SPTAN1: variants seen among roughly 807,000 people sequenced by gnomAD.
SPTAN1 encodes spectrin alpha chain, non-erythrocytic 1.
In SPTAN1, 61 loss-of-function variants were observed where a neutral mutation model predicts 331.3. That is an observed-to-expected ratio of 0.18 (90% CI 0.15 to 0.23). The LOEUF is 0.23. SPTAN1 is among the 10% of genes least tolerant of loss of function. SPTAN1 has a pLI of 1.00. For synonymous variants in SPTAN1, 1,153 were observed against 1,173.9 expected (o/e 0.98, Z 0.36); for missense variants, 2,043 against 3,147.9 (o/e 0.65, Z 8.40).
In SPTAN1 at chr9:128,587,707, G is replaced by A. The variant is rs774094821; in HGVS notation, c.2871+9G>A. On this transcript the variant is annotated intron_variant, in intron 20 of 56. Coordinates refer to ENST00000372739, the MANE Select transcript of SPTAN1 (RefSeq NM_001130438.3). The stretch of plus-strand genomic sequence containing the variant: ...AAGCACAGTCCTGCCGGGTAAACTT[G>A]TAACAGTTTATGGGTTACTGGAGGG... 2.5e-5 allele frequency: 40 copies of A among 1,613,470 alleles called. No homozygotes were observed. In the Admixed American group the frequency reaches 4.8e-4, roughly 19 times the overall value.
intron 10 of SPTAN1, among the ~76,000 whole-genome samples, chr9:128,580,326 T>C (rs948919521): frequency 6.6e-6 from 1 of 150,726 alleles, no homozygotes; most frequent in African/African-American, 2.4e-5. Flanking sequence ...TATATATACA[T>C]ATTTTATTTT....
At chr9:128,585,667 C>A in intron 18 of SPTAN1, 81 bp from the exon 19 acceptor site, 1 of 1,184,826 alleles carries the variant, frequency 8.4e-7, no homozygotes, top group Non-Finnish European at 1.3e-6. Flanking sequence ...GTGCCGTGAA[C>A]ACACAGAGAA....
chr9:128,594,427 T>G (rs1029331621), intron 24 of SPTAN1, 54 bp downstream of exon 24: 4 of 1,338,576 alleles, frequency 3.0e-6, no homozygotes, highest in Admixed American at 2.3e-5. Flanking sequence ...TTGAGTCTCT[T>G]GATTTTTTTT....
intron 22 of SPTAN1, among the ~76,000 whole-genome samples, chr9:128,592,057 A>G (rs572453314): frequency 6.6e-6 from 1 of 152,206 alleles, no homozygotes; most frequent in East Asian, 1.9e-4. Flanking sequence ...CTGAGCCCCC[A>G]TATTGCCCTG....
chr9:128,631,908 G>C (rs1325368563), intron 52 of SPTAN1: 2 of 588,030 alleles, frequency 3.4e-6, no homozygotes, highest in Non-Finnish European at 6.0e-6. Context: ...AGGTCTACCA[G>C]CTGCTTTGGA....
Position 128,575,318 on chromosome 9 carries a change from G to A in SPTAN1, c.624G>A (p.Val208=). 6.2e-7 allele frequency: 1 copy of A among 1,613,128 alleles called. No individual in the cohort carries two copies. Residue 208 remains valine, a synonymous_variant, in exon 5 of 57, where the codon GTG becomes GTA. Coordinates refer to ENST00000372739, the MANE Select transcript of SPTAN1 (RefSeq NM_001130438.3). ...MAAHEERVNE[V]NQFAAKLIQE... is the part of the protein sequence containing the mutation. ...CTCATGAAGAAAGAGTTAATGAAGT[G>A]AACCAGTTTGCTGCCAAACTCATAC...
intron 39 of SPTAN1, among the ~76,000 whole-genome samples, chr9:128,613,175 G>A (rs1856761595): frequency 6.6e-6 from 1 of 152,194 alleles, no homozygotes; most frequent in African/African-American, 2.4e-5. Flanking sequence ...AGACTCTGGA[G>A]TCTAGGTTTG....
At position 128,618,027 on chromosome 9, in the gene SPTAN1, C is replaced by A. The variant is rs1435109276; in HGVS notation, c.5519C>A (p.Thr1840Asn). 6.2e-7 allele frequency: 1 copy of A among 1,613,956 alleles called. No homozygotes were observed. Among genetic ancestry groups the A allele is most frequent in the Non-Finnish European group, 8.5e-7 (1 of 1,180,002 alleles). The part of the protein sequence containing the change: ...DTGKKLSDDN[T>N]IGKEEIQQRL... ...GGCAAGAAGCTGTCCGATGACAACA[C>A]CATCGGGAAAGAGGAGATCCAGCAG... Residue 1840 changes from threonine (T) to asparagine (N), a missense_variant, in exon 43 of 57, where the codon ACC (threonine) becomes AAC (asparagine). Physicochemically the swap from Thr to Asn is moderately conservative, Grantham distance 65. Around this residue, in one of 12 missense-constraint regions of SPTAN1, gnomAD observed 323 missense variants for 581.1 expected, o/e 0.56. Transcript: ENST00000372739.
intron 52 of SPTAN1, 114 bp from the exon 53 acceptor site, chr9:128,632,013 T>C: frequency 9.3e-7 from 1 of 1,073,892 alleles, no homozygotes; most frequent in Non-Finnish European, 1.4e-6. Context: ...TGTTCTTGTT[T>C]TACGAGGTCT....
chr9:128,606,484 TA>T lies in SPTAN1; in HGVS notation c.4046+1008del, dbSNP rs751886085. Among the ~76,000 whole-genome samples, 420 of 29,084 alleles carry T rather than the reference TA, an allele frequency of 0.014. 4 individuals carry two copies. In the East Asian group the frequency reaches 0.21, roughly 15 times the overall value. 19.1% of individuals were successfully genotyped at this position (29,084 alleles called of 152,430 possible). ...ATTTTTCCCTAGACATATATATATA[TA>T]TATTTTTTTTTTGGGGGGGGAAGCG... On this transcript the variant is annotated intron_variant, in intron 31 of 56. Transcript: ENST00000372739.
chr9:128,559,671 G>A (rs1430823078), intron 1 of SPTAN1, among the ~76,000 whole-genome samples: 1 of 151,838 alleles, frequency 6.6e-6, no homozygotes, highest in East Asian at 1.9e-4. Context: ...GAGAACAAAG[G>A]AAATATATAA....
intron 1 of SPTAN1, among the ~76,000 whole-genome samples, chr9:128,562,685 C>T (rs983132548): frequency 8.5e-6 from 1 of 117,874 alleles, no homozygotes; most frequent in Non-Finnish European, 1.8e-5. Flanking sequence ...GCAGTGTAAA[C>T]TATGACTGCC....
chr9:128,630,467 C>A, intron 52 of SPTAN1, 92 bp downstream of exon 52: 23 of 1,266,320 alleles, frequency 1.8e-5, no homozygotes, highest in Non-Finnish European at 2.7e-5. Flanking sequence ...AGTCAGGAAC[C>A]AGATGTGCTA....
intron 24 of SPTAN1, among the ~76,000 whole-genome samples, chr9:128,597,184 T>A (rs959560327): frequency 4.0e-5 from 6 of 151,626 alleles, no homozygotes; most frequent in East Asian, 3.9e-4. Context: ...AGAAAAAAAA[T>A]TTTTCTGTAG....
In SPTAN1 at chr9:128,627,200, G is replaced by C. The variant is rs1407133875; in HGVS notation, c.6577-186G>C. On this transcript the variant is annotated intron_variant, in intron 49 of 56. Transcript: ENST00000372739. This position sits in a 1 kb window ranked among gnomAD's most constrained non-coding sequence, Gnocchi z 4.9. ...GGTCCGCCTCTTCCTTGAAGCCCCTGGGGGGTGGGAACAGAGAAAGAACTA... is the reference window on the plus strand; with the variant it reads ...GGTCCGCCTCTTCCTTGAAGCCCCTCGGGGGTGGGAACAGAGAAAGAACTA... 3.1e-6 allele frequency: 2 copies of C among 648,248 alleles called. No individual in the cohort carries two copies. Among genetic ancestry groups the C allele is most frequent in the South Asian group, 1.7e-5 (1 of 59,658 alleles). The allele number at this position is 648,248 out of a possible 1,614,324, so 40.2% of individuals were successfully genotyped here. A position where few individuals can be genotyped will look rare whatever the true frequency, so the allele number is the denominator to read the frequency against.
In SPTAN1 at chr9:128,568,710, C is replaced by G. The variant is rs79604728; in HGVS notation, c.238-62C>G. The stretch of plus-strand genomic sequence containing the variant: ...AGGAGGGGAGGAACACGGGGAACAG[C>G]GGGGACAAAATGCTGATGCTGTGTG... On this transcript the variant is annotated intron_variant, in intron 2 of 56. Transcript: ENST00000372739. 2.0e-3 allele frequency: 3,265 copies of G among 1,607,774 alleles called. 76 individuals are homozygous for G. In the East Asian group the frequency reaches 0.043, roughly 21 times the overall value.
At chr9:128,632,517 G>C in intron 54 of SPTAN1, 33 bp downstream of exon 54, 3 of 1,614,144 alleles carry the variant, frequency 1.9e-6, no homozygotes, top group South Asian at 1.1e-5. Context: ...TGGCTGGGTG[G>C]GGGGTGTTCG....
chr9:128,583,183 T>C lies in SPTAN1; in HGVS notation c.1913T>C (p.Leu638Pro). ...GCCTTGGAGAAAGCTGGCCAAAAGC[T>C]GATTGATGTCAACCACTATGCCAAG... ...IDALEKAGQKLIDVNHYAKDE... is the reference protein window; with the variant it reads ...IDALEKAGQKPIDVNHYAKDE... The change falls in exon 15 of 57, where the codon CTG (leucine) becomes CCG (proline). Residue 638 changes from leucine to proline, a missense_variant. This residue lies in a region of SPTAN1 where 1,038 missense variants were observed against 1,531.5 expected (regional missense o/e 0.68). Coordinates refer to ENST00000372739, the MANE Select transcript of SPTAN1 (RefSeq NM_001130438.3). The C allele has an allele frequency of 6.2e-7, 1 of 1,614,132 alleles. No homozygotes were observed. Among genetic ancestry groups the C allele is most frequent in the Non-Finnish European group, 8.5e-7 (1 of 1,180,026 alleles).
At position 128,627,858 on chromosome 9, in the gene SPTAN1, C is replaced by G. The variant is rs936066841; in HGVS notation, c.6690-67C>G. The stretch of plus-strand genomic sequence containing the variant: ...TTTCTTTCTTGTGTCTTCTCTCTGT[C>G]CCCCCGATTGCTGCTGTTGTCCGGA... On this transcript the variant is annotated intron_variant, in intron 50 of 56. Coordinates refer to ENST00000372739, the MANE Select transcript of SPTAN1 (RefSeq NM_001130438.3). This position sits in a 1 kb window ranked among gnomAD's most constrained non-coding sequence, Gnocchi z 4.9. The G allele has an allele frequency of 1.9e-5, 30 of 1,573,522 alleles. No individual in the cohort carries two copies. Among genetic ancestry groups the G allele is most frequent in the South Asian group, 5.5e-5 (5 of 90,262 alleles).
Sources: gnomAD v4.1 joint callset for allele counts (sites outside exome capture counted in the v4.1 genomes callset) on GRCh38, gnomAD v4.1.1 for gene constraint, gnomAD v4.1.1 regional missense constraint, Gnocchi (gnomAD v3.1) non-coding constraint, MANE v1.5 for transcripts, NCBI Gene and HGNC (gene_info 2026-07-23, HGNC 2026-07-21) for gene names.